JPH3: variants seen among roughly 807,000 people sequenced by gnomAD.
The protein encoded by JPH3 is junctophilin 3.
A neutral mutation model predicts 59.6 loss-of-function variants in JPH3; 11 were observed. That is an observed-to-expected ratio of 0.18 (90% CI 0.12 to 0.31). JPH3 has a LOEUF of 0.31. Among genes scored for constraint, JPH3 ranks in the 10% least tolerant of loss-of-function variants. JPH3 has a pLI of 1.00. For missense variants in JPH3, 1,202 were observed against 1,105.7 expected (o/e 1.09, Z -1.24); for synonymous variants, 673 against 483.6 (o/e 1.39, Z -5.14).
chr16:87,656,844 G>C (rs988081765), intron 2 of JPH3, among the ~76,000 whole-genome samples: 1 of 152,138 alleles, frequency 6.6e-6, no homozygotes, highest in South Asian at 2.1e-4. Context: ...CTGAAAACTG[G>C]ACAGTCCAAA....
chr16:87,617,808 G>A (rs1296241686), intron 1 of JPH3, among the ~76,000 whole-genome samples: 2 of 152,260 alleles, frequency 1.3e-5, no homozygotes, highest in African/African-American at 2.4e-5. Context: ...CGTCCATGGT[G>A]GGGATGGTGT....
chr16:87,658,102 AGT>A (rs973912498), intron 2 of JPH3, among the ~76,000 whole-genome samples: 1 of 152,188 alleles, frequency 6.6e-6, no homozygotes, highest in Admixed American at 6.5e-5. Context: ...CCCACGCTTC[AGT>A]GTGAAGACAC....
intron 2 of JPH3, among the ~76,000 whole-genome samples, chr16:87,668,018 T>C (rs888280300): frequency 1.3e-5 from 2 of 152,182 alleles, no homozygotes; most frequent in African/African-American, 4.8e-5. Context: ...TTCAGAAACT[T>C]ATCTTCTGGC....
Position 87,696,606 on chromosome 16 carries a change from G to A in JPH3, c.2193G>A (p.Met731Ile), listed in dbSNP as rs1458156202. ...STGSAPILVV[M>I]VILLNIGVAI... Reference sequence around the variant, plus strand: ...GCTCAGCGCCTATCCTGGTGGTCATGGTGATCTTGCTCAACATCGGAGTCG... The same window carrying A: ...GCTCAGCGCCTATCCTGGTGGTCATAGTGATCTTGCTCAACATCGGAGTCG... The change falls in exon 5 of 5, where the codon ATG (methionine) becomes ATA (isoleucine). Residue 731 changes from methionine (M) to isoleucine (I), a missense_variant. Met to Ile is a conservative substitution (Grantham distance 10). Transcript: ENST00000284262. The A allele has an allele frequency of 6.2e-7, 1 of 1,613,570 alleles. No homozygotes were observed. Among genetic ancestry groups the A allele is most frequent in the Non-Finnish European group, 8.5e-7 (1 of 1,179,918 alleles).
chr16:87,694,361 G>A (rs1477840889), intron 4 of JPH3: 2 of 152,236 alleles, frequency 1.3e-5, no homozygotes, highest in Non-Finnish European at 2.9e-5. Flanking sequence ...TTCATCAGGA[G>A]CACAGCCTGG....
At chr16:87,654,861 G>C (rs990377061) in intron 2 of JPH3, 2 of 152,262 alleles carry the variant, frequency 1.3e-5, no homozygotes. Context: ...AGGAACCAGC[G>C]ACCACTCGGC....
intron 1 of JPH3, among the ~76,000 whole-genome samples, chr16:87,616,428 T>A (rs1469630951): frequency 6.6e-6 from 1 of 151,430 alleles, no homozygotes; most frequent in Non-Finnish European, 1.5e-5. Context: ...TTTTTTGTAT[T>A]TTTAGTAAAG....
Position 87,644,595 on chromosome 16 carries a change from G to A in JPH3, c.720G>A (p.Lys240=), listed in dbSNP as rs565191182. 29 of 1,613,036 alleles carry A rather than the reference G, an allele frequency of 1.8e-5. No homozygotes were observed. In the East Asian group the frequency reaches 6.0e-4, roughly 33 times the overall value. ...SKSSLASQRS[K]QSSFRSEAGM... is the part of the protein sequence containing the mutation. ...GCAGCCTGGCCAGCCAACGCAGCAA[G>A]CAGAGCTCCTTTCGCAGCGAGGCGG... The change falls in exon 2 of 5, where the codon AAG becomes AAA. Residue 240 remains lysine, a synonymous_variant. Transcript: ENST00000284262.
intron 1 of JPH3, among the ~76,000 whole-genome samples, chr16:87,612,190 C>T (rs1246116230): frequency 6.6e-6 from 1 of 152,140 alleles, no homozygotes; most frequent in African/African-American, 2.4e-5. Context: ...AGTGTGTGAT[C>T]GTGGCTCACT....
chr16:87,659,656 GC>G (rs1307070044), intron 2 of JPH3, among the ~76,000 whole-genome samples: 2 of 151,368 alleles, frequency 1.3e-5, no homozygotes, highest in Non-Finnish European at 2.9e-5. Context: ...TTGCTTGAAC[GC>G]AGGAGACGAA....
At chr16:87,641,198 C>G (rs2031939154) in intron 1 of JPH3, among the ~76,000 whole-genome samples, 1 of 152,118 alleles carries the variant, frequency 6.6e-6, no homozygotes, top group South Asian at 2.1e-4. Context: ...GTTGTGGGGT[C>G]CCTGGGGTCC....
At chr16:87,696,446 TTTC>T (rs1343692151) in intron 4 of JPH3, 131 bp from the exon 5 acceptor site, 1 of 731,812 alleles carries the variant, frequency 1.4e-6, no homozygotes, top group African/African-American at 1.7e-5. Context: ...TGTCCAAGCG[TTTC>T]TAACATCCTC....
rs35538359 is a variant in JPH3 at position 87,644,740 on chromosome 16, G to T, written c.865G>T (p.Val289Leu). 14 of 1,612,946 alleles carry T rather than the reference G, an allele frequency of 8.7e-6. No individual in the cohort carries two copies. The highest frequency in any genetic ancestry group is 5.5e-5 in the South Asian group (5 of 91,080). Residue 289 changes from valine to leucine, a missense_variant, in exon 2 of 5, where the codon GTG (valine) becomes TTG (leucine). Physicochemically the swap from Val to Leu is conservative, Grantham distance 32. Transcript: ENST00000284262. ...DIDATTTETY[V>L]GEWKNDKRSG... The stretch of plus-strand genomic sequence containing the variant: ...CGACGCCACCACCACCGAGACCTAC[G>T]TGGGCGAGTGGAAGAACGACAAACG...
intron 1 of JPH3, among the ~76,000 whole-genome samples, chr16:87,614,379 C>T (rs113899190): frequency 4.7e-5 from 7 of 148,052 alleles, no homozygotes; most frequent in Admixed American, 2.7e-4. Flanking sequence ...GGTCCCTGTA[C>T]ACAGGAGGAG....
intron 1 of JPH3, among the ~76,000 whole-genome samples, chr16:87,638,570 TAGG>T (rs1210966803): frequency 1.3e-4 from 1 of 7,544 alleles, no homozygotes; most frequent in African/African-American, 2.6e-4. Flanking sequence ...AAGGGTTAGG[TAGG>T]AGGGGACAGG....
chr16:87,691,469 G>A (rs1294536289), intron 4 of JPH3, among the ~76,000 whole-genome samples: 1 of 152,178 alleles, frequency 6.6e-6, no homozygotes, highest in Admixed American at 6.5e-5. Flanking sequence ...GCAGGGGGGT[G>A]TCCGCAGGGG....
chr16:87,629,812 T>A (rs2031504758), intron 1 of JPH3, among the ~76,000 whole-genome samples: 2 of 152,096 alleles, frequency 1.3e-5, no homozygotes, highest in Non-Finnish European at 2.9e-5. Context: ...TGGACCCTGA[T>A]GAAAACCATG....
chr16:87,642,508 G>A (rs1416599637), intron 1 of JPH3, among the ~76,000 whole-genome samples: 2 of 152,238 alleles, frequency 1.3e-5, no homozygotes, highest in African/African-American at 2.4e-5. Context: ...TGAAAACAGC[G>A]GTGGGACGAA....
chr16:87,677,926 G>C (rs902252537), intron 2 of JPH3, among the ~76,000 whole-genome samples: 1 of 152,228 alleles, frequency 6.6e-6, no homozygotes, highest in Non-Finnish European at 1.5e-5. Context: ...TTTGGCCTGG[G>C]ATTGAAAAGT....
Sources: allele counts gnomAD v4.1 joint callset (sites outside exome capture counted in the v4.1 genomes callset), GRCh38; gene constraint gnomAD v4.1.1; transcripts MANE v1.5; gene names NCBI Gene and HGNC (gene_info 2026-07-23, HGNC 2026-07-21).